Variants in CDK13 observed in about 807,000 individuals in gnomAD.
CDK13 encodes the protein cyclin-dependent kinase 13.
In CDK13, 40 loss-of-function variants were observed where a neutral mutation model predicts 137.6. The observed-to-expected ratio is 0.29, with a 90% CI of 0.23 to 0.38. CDK13 has a LOEUF of 0.38. Ranked by LOEUF, CDK13 falls within the 10% of genes least tolerant of loss-of-function variation. The probability of loss-of-function intolerance (pLI) is 1.00; values close to 1 mark genes in which losing one functional copy is unlikely to be tolerated. For synonymous variants in CDK13, 869 were observed against 760.1 expected (o/e 1.14, Z -2.36); for missense variants, 1,704 against 1,951.8 (o/e 0.87, Z 2.39).
intron 5 of CDK13, among the ~76,000 whole-genome samples, chr7:40,039,856 T>C (rs1584025621): frequency 6.6e-6 from 1 of 152,188 alleles, no homozygotes; most frequent in African/African-American, 2.4e-5. Flanking sequence ...TTTTACATAG[T>C]CGTATTTGTC....
intron 9 of CDK13, among the ~76,000 whole-genome samples, chr7:40,077,417 A>C (rs930044994): frequency 3.3e-5 from 5 of 152,190 alleles, no homozygotes; most frequent in Non-Finnish European, 7.3e-5. Context: ...TTAAGGTGTA[A>C]GTCACATATT....
chr7:40,042,738 C>CA (rs1211197606), intron 5 of CDK13, among the ~76,000 whole-genome samples: 3 of 150,566 alleles, frequency 2.0e-5, no homozygotes, highest in African/African-American at 7.4e-5. Context: ...CCTCGGCCTC[C>CA]GAAAGTGTTG....
intron 2 of CDK13, among the ~76,000 whole-genome samples, chr7:39,988,887 G>A (rs908490140): frequency 1.3e-5 from 2 of 151,726 alleles, no homozygotes; most frequent in Non-Finnish European, 2.9e-5. Context: ...TTCAAGACCA[G>A]CCTGGCCAAC....
At chr7:40,062,220 A>G (rs529716354) in intron 7 of CDK13, 1 of 152,408 alleles carries the variant, frequency 6.6e-6, no homozygotes, top group Non-Finnish European at 1.5e-5. Flanking sequence ...TGGAAAGGAA[A>G]AACAGTGCTC....
intron 7 of CDK13, among the ~76,000 whole-genome samples, chr7:40,056,818 C>T (rs1278637066): frequency 6.6e-6 from 1 of 152,228 alleles, no homozygotes; most frequent in East Asian, 1.9e-4. Flanking sequence ...TCCCTGCCTC[C>T]ACCCCCTACT....
intron 2 of CDK13, among the ~76,000 whole-genome samples, chr7:39,994,142 C>T (rs958491890): frequency 2.0e-5 from 3 of 151,952 alleles, no homozygotes; most frequent in Non-Finnish European, 4.4e-5. Flanking sequence ...TTCTCAGAGT[C>T]TGTTGCTTAT....
At chr7:39,955,723 A>T (rs970183124) in intron 1 of CDK13, among the ~76,000 whole-genome samples, 1 of 152,000 alleles carries the variant, frequency 6.6e-6, no homozygotes, top group Non-Finnish European at 1.5e-5. Flanking sequence ...AATCTTGTGG[A>T]TGTTTTTCCT....
At chr7:40,020,506 C>T (rs566926056) in intron 5 of CDK13, among the ~76,000 whole-genome samples, 2 of 152,258 alleles carry the variant, frequency 1.3e-5, no homozygotes, top group South Asian at 4.1e-4. Context: ...CAATGTATTT[C>T]GTTGCCTAAG....
intron 5 of CDK13, among the ~76,000 whole-genome samples, chr7:40,042,332 C>T (rs1274923844): frequency 6.6e-6 from 1 of 151,790 alleles, no homozygotes; most frequent in East Asian, 1.9e-4. Flanking sequence ...CCGCCCACCT[C>T]GGCCTCCCAA....
intron 3 of CDK13, chr7:39,998,203 CTT>C (rs570146829): frequency 1.2e-3 from 154 of 131,544 alleles, no homozygotes; most frequent in Non-Finnish European, 2.0e-3. Context: ...ACACTGGTGC[CTT>C]TTTTTTTTTT....
In CDK13 at chr7:40,094,421, A is replaced by T; in HGVS notation, c.3980A>T (p.Asp1327Val). 7 of 1,614,028 alleles carry T rather than the reference A, an allele frequency of 4.3e-6. No homozygotes were observed. The highest frequency in any genetic ancestry group is 5.9e-6 in the Non-Finnish European group (7 of 1,180,020). Residue 1327 changes from aspartate to valine, a missense_variant, in exon 14 of 14, where the codon GAC becomes GTC. By Grantham distance (152) the Asp-to-Val change is radical (BLOSUM62 -3). This residue lies in a region of CDK13 where 475 missense variants were observed against 579.3 expected (regional missense o/e 0.82). Transcript: ENST00000181839. ...GGTGGGATTGATTATCAAGCAGGAG[A>T]CACTTACGTGTCCACTTCAGACTAC... ...REGGIDYQAGDTYVSTSDYKD... is the reference protein window; with the variant it reads ...REGGIDYQAGVTYVSTSDYKD...
chr7:40,040,855 T>C (rs1444422135), intron 5 of CDK13, among the ~76,000 whole-genome samples: 2 of 152,186 alleles, frequency 1.3e-5, no homozygotes, highest in Admixed American at 6.5e-5. Flanking sequence ...ATTGAGTGTT[T>C]ATGGCTCTCC....
In CDK13 at chr7:40,098,900, C is replaced by G. The variant is rs1001728998; in HGVS notation, c.*3920C>G. ...TAAAAACATCTTCAAAATTTAGGAG[C>G]CTGAAGGGGCTGTTTGTTTCATATA... On this transcript the variant is annotated 3_prime_UTR_variant, in exon 14 of 14. Transcript: ENST00000181839. The G allele has an allele frequency of 2.0e-5, 3 of 151,482 alleles. No homozygotes were observed. Among genetic ancestry groups the G allele is most frequent in the Non-Finnish European group, 4.4e-5 (3 of 67,812 alleles). The allele number at this position is 151,482 out of a possible 1,614,324, so 9.4% of individuals were successfully genotyped here.
chr7:40,082,899 G>A (rs1463035641), intron 11 of CDK13, among the ~76,000 whole-genome samples: 3 of 151,320 alleles, frequency 2.0e-5, no homozygotes, highest in Non-Finnish European at 2.9e-5. Context: ...CCATGAGTTT[G>A]AGACCAATCT....
chr7:40,083,025 C>G (rs1786703576), intron 11 of CDK13, among the ~76,000 whole-genome samples: 1 of 149,952 alleles, frequency 6.7e-6, no homozygotes, highest in Admixed American at 6.7e-5. Context: ...ATTGCTTGAG[C>G]TTGGGAAACG....
chr7:39,990,344 C>G (rs961941287), intron 2 of CDK13, among the ~76,000 whole-genome samples: 1 of 151,846 alleles, frequency 6.6e-6, no homozygotes, highest in Non-Finnish European at 1.5e-5. Context: ...TCTAAAGATT[C>G]ATGAGCACTT....
chr7:40,024,336 T>C (rs1236574076), intron 5 of CDK13, among the ~76,000 whole-genome samples: 1 of 152,220 alleles, frequency 6.6e-6, no homozygotes, highest in Non-Finnish European at 1.5e-5. Flanking sequence ...TGTCAGACTT[T>C]GTGAAAGAGT....
intron 9 of CDK13, among the ~76,000 whole-genome samples, chr7:40,068,728 AAAAGG>A (rs1562758344): frequency 6.6e-6 from 1 of 150,542 alleles, no homozygotes; most frequent in African/African-American, 2.4e-5. Context: ...AAAAAAAAAA[AAAAGG>A]AAACAGTTGA....
intron 1 of CDK13, among the ~76,000 whole-genome samples, chr7:39,968,916 T>TTA (rs1177723082): frequency 6.6e-6 from 1 of 152,228 alleles, no homozygotes; most frequent in Admixed American, 6.5e-5. Context: ...ACTGGACTGT[T>TTA]TACTATTTTC....
Sources: allele counts gnomAD v4.1 joint callset (sites outside exome capture counted in the v4.1 genomes callset), GRCh38; gene constraint gnomAD v4.1.1; regional missense constraint gnomAD v4.1.1; transcripts MANE v1.5; gene names NCBI Gene and HGNC (gene_info 2026-07-23, HGNC 2026-07-21).